CLSTN2: variants seen among roughly 807,000 people sequenced by gnomAD.
CLSTN2 encodes the protein calsyntenin 2, also known as calsyntenin-2.
CLSTN2 carries 48 observed loss-of-function variants against 101.2 expected under a neutral mutation model. The ratio of observed to expected loss-of-function variants is 0.47; its 90% CI spans 0.38 to 0.60. CLSTN2 has a LOEUF of 0.60. Ranked by LOEUF, CLSTN2 falls within the 20% of genes least tolerant of loss-of-function variation. The probability of loss-of-function intolerance (pLI) is 0.00; values close to 1 mark genes in which losing one functional copy is unlikely to be tolerated. For missense variants in CLSTN2, 1,160 were observed against 1,238.2 expected (o/e 0.94, Z 0.95); for synonymous variants, 481 against 463.6 (o/e 1.04, Z -0.48).
chr3:140,113,082 G>GT (rs2009181894), intron 1 of CLSTN2, among the ~76,000 whole-genome samples: 1 of 152,108 alleles, frequency 6.6e-6, no homozygotes, highest in African/African-American at 2.4e-5. Flanking sequence ...ACTCTGATTG[G>GT]TTTTTTGAGC....
intron 2 of CLSTN2, among the ~76,000 whole-genome samples, chr3:140,313,677 C>T (rs1160489522): frequency 6.6e-6 from 1 of 152,202 alleles, no homozygotes; most frequent in Non-Finnish European, 1.5e-5. Context: ...CCCAGTGCAT[C>T]TATACCAGCT....
intron 2 of CLSTN2, among the ~76,000 whole-genome samples, chr3:140,257,871 A>T (rs1453931969): frequency 1.3e-5 from 2 of 152,172 alleles, no homozygotes; most frequent in African/African-American, 2.4e-5. Context: ...CTTAAGATAA[A>T]GTCCCAATAG....
chr3:140,496,270 G>C (rs944904041), intron 8 of CLSTN2, among the ~76,000 whole-genome samples: 1 of 152,064 alleles, frequency 6.6e-6, no homozygotes, highest in Non-Finnish European at 1.5e-5. Flanking sequence ...CTGCTTGTCT[G>C]TTCTTGGTGT....
chr3:140,171,712 ATGTAT>A (rs2010224767), intron 1 of CLSTN2, among the ~76,000 whole-genome samples: 1 of 117,418 alleles, frequency 8.5e-6, no homozygotes, highest in Admixed American at 1.1e-4. Context: ...AATATGTATT[ATGTAT>A]TATATATTAT....
intron 1 of CLSTN2, among the ~76,000 whole-genome samples, chr3:140,088,990 A>C (rs556774920): frequency 6.6e-6 from 1 of 151,384 alleles, no homozygotes; most frequent in Non-Finnish European, 1.5e-5. Flanking sequence ...GCATGTAAAA[A>C]AATTTAAATC....
At chr3:139,952,659 A>G (rs188287810) in intron 1 of CLSTN2, among the ~76,000 whole-genome samples, 75 of 152,300 alleles carry the variant, frequency 4.9e-4, no homozygotes, top group African/African-American at 1.7e-3. Flanking sequence ...AGCAAAACGG[A>G]TGCCTAGGGC....
intron 1 of CLSTN2, among the ~76,000 whole-genome samples, chr3:140,062,255 C>G (rs1025593309): frequency 6.6e-6 from 1 of 152,130 alleles, no homozygotes; most frequent in Admixed American, 6.5e-5. Context: ...CTTTCTGGTT[C>G]CAAGTTTTCA....
intron 1 of CLSTN2, among the ~76,000 whole-genome samples, chr3:139,941,961 G>A (rs1935139391): frequency 6.6e-6 from 1 of 152,184 alleles, no homozygotes; most frequent in South Asian, 2.1e-4. Flanking sequence ...GGAGTAAACT[G>A]AGTCACTGAG....
intron 1 of CLSTN2, among the ~76,000 whole-genome samples, chr3:139,974,483 C>CAA (rs1935775954): frequency 6.6e-6 from 1 of 152,176 alleles, no homozygotes; most frequent in South Asian, 2.1e-4. Context: ...CCCCAGAGGG[C>CAA]ATCATGTGAT....
intron 2 of CLSTN2, among the ~76,000 whole-genome samples, chr3:140,246,623 G>A (rs1034374807): frequency 6.6e-6 from 1 of 152,154 alleles, no homozygotes; most frequent in African/African-American, 2.4e-5. Flanking sequence ...CCAGCACATC[G>A]TAAGTGCATT....
chr3:140,438,980 G>A (rs1336215690), intron 5 of CLSTN2, among the ~76,000 whole-genome samples: 1 of 152,188 alleles, frequency 6.6e-6, no homozygotes, highest in African/African-American at 2.4e-5. Context: ...AAGTTTGGCT[G>A]CTGACCCACG....
chr3:140,213,762 T>C (rs1441109272), intron 2 of CLSTN2, among the ~76,000 whole-genome samples: 1 of 152,164 alleles, frequency 6.6e-6, no homozygotes, highest in Non-Finnish European at 1.5e-5. Context: ...GAGTCTCACT[T>C]TTCTTTGCAG....
chr3:140,524,666 A>G (rs533777052), intron 8 of CLSTN2, among the ~76,000 whole-genome samples: 61 of 152,338 alleles, frequency 4.0e-4, no homozygotes, highest in African/African-American at 1.4e-3. Context: ...CATGGAACGT[A>G]TTCTAAGATC....
intron 1 of CLSTN2, among the ~76,000 whole-genome samples, chr3:140,027,672 G>A (rs990942963): frequency 3.6e-4 from 55 of 152,280 alleles, no homozygotes; most frequent in African/African-American, 1.1e-3. Context: ...TCTGCTGTCT[G>A]CTCATGAGTG....
intron 1 of CLSTN2, among the ~76,000 whole-genome samples, chr3:140,135,111 CACACACATATATATATATAT>C (rs2009591477): frequency 1.9e-5 from 1 of 52,112 alleles, no homozygotes; most frequent in African/African-American, 1.2e-4. Flanking sequence ...CACACACACA[CACACACATATATATATATAT>C]ATATATATAT....
chr3:140,164,953 T>A (rs1022251615), intron 1 of CLSTN2, among the ~76,000 whole-genome samples: 2 of 151,972 alleles, frequency 1.3e-5, no homozygotes, highest in Non-Finnish European at 2.9e-5. Context: ...ATGGATGGAT[T>A]GATGGATGGA....
At chr3:140,349,278 T>G (rs2087582256) in intron 2 of CLSTN2, among the ~76,000 whole-genome samples, 1 of 152,200 alleles carries the variant, frequency 6.6e-6, no homozygotes, top group Non-Finnish European at 1.5e-5. Context: ...TTACCCAGTC[T>G]CGGGCAGTTT....
At chr3:140,508,781 C>G (rs1934735773) in intron 8 of CLSTN2, 1 of 152,200 alleles carries the variant, frequency 6.6e-6, no homozygotes, top group Non-Finnish European at 1.5e-5. Context: ...CCCTGACAGA[C>G]AGCAGCTGGT....
At chr3:139,946,764 C>T (rs1935221617) in intron 1 of CLSTN2, among the ~76,000 whole-genome samples, 1 of 152,214 alleles carries the variant, frequency 6.6e-6, no homozygotes, top group Admixed American at 6.5e-5. Flanking sequence ...GGATCTGGGT[C>T]TTCTGCTGTA....
Sources: allele counts gnomAD v4.1 joint callset (sites outside exome capture counted in the v4.1 genomes callset), GRCh38; gene constraint gnomAD v4.1.1; transcripts MANE v1.5; gene names NCBI Gene and HGNC (gene_info 2026-07-23, HGNC 2026-07-21).